Variants in STAT1 observed in about 807,000 individuals in gnomAD.
The protein encoded by STAT1 is signal transducer and activator of transcription 1, also known as signal transducer and activator of transcription 1-alpha/beta.
STAT1 carries 24 observed loss-of-function variants against 111.7 expected under a neutral mutation model. That is an observed-to-expected ratio of 0.21 (90% CI 0.16 to 0.30). STAT1 has a LOEUF of 0.30. Among genes scored for constraint, STAT1 ranks in the 10% least tolerant of loss-of-function variants. The pLI, the probability that STAT1 is intolerant of heterozygous loss-of-function variation, is 1.00. For missense variants in STAT1, 351 were observed against 911.9 expected, an observed-to-expected ratio of 0.38 and a Z score of 7.92; for synonymous variants, 332 against 326.5, an observed-to-expected ratio of 1.02 and a Z score of -0.18.
In STAT1 at chr2:191,007,538, T is replaced by C. The variant is rs779831605; in HGVS notation, c.372+25A>G. On this transcript the variant is annotated intron_variant, in intron 5 of 24. Coordinates refer to ENST00000361099, the MANE Select transcript of STAT1 (RefSeq NM_007315.4). This position sits in a 1 kb window ranked among gnomAD's most constrained non-coding sequence, Gnocchi z 4.2. ...AATACATTTTTATTTTATTACAGTTTATGTGTTCAATGAGAAAAAAGTACC... is the reference window on the plus strand; with the variant it reads ...AATACATTTTTATTTTATTACAGTTCATGTGTTCAATGAGAAAAAAGTACC... 6.6e-7 allele frequency: 1 copy of C among 1,511,250 alleles called. No homozygotes were observed. The highest frequency in any genetic ancestry group is 2.3e-5 in the East Asian group (1 of 44,272). The allele number at this position is 1,511,250 out of a possible 1,614,324, so 93.6% of individuals were successfully genotyped here.
At position 190,998,251 on chromosome 2, in the gene STAT1, T is replaced by C; in HGVS notation, c.599A>G (p.Lys200Arg). The change falls in exon 8 of 25, where the codon AAG becomes AGG. Residue 200 changes from lysine to arginine, a missense_variant. Lys to Arg is a conservative substitution (Grantham distance 26, BLOSUM62 2). This residue lies in a region of STAT1 where 67 missense variants were observed against 158.9 expected (regional missense o/e 0.42). Transcript: ENST00000361099. This position sits in a 1 kb window ranked among gnomAD's most constrained non-coding sequence, Gnocchi z 4.1. ...ATTGTCAAGCATTAAATACATCTTCTTGAGTAACAGCTGTTCTTGTTTCTG... is the reference window on the plus strand; with the variant it reads ...ATTGTCAAGCATTAAATACATCTTCCTGAGTAACAGCTGTTCTTGTTTCTG... ...SDQKQEQLLL[K>R]KMYLMLDNKR... The C allele has an allele frequency of 6.2e-7, 1 of 1,613,914 alleles. No homozygotes were observed. The highest frequency in any genetic ancestry group is 2.2e-5 in the East Asian group (1 of 44,852).
At chr2:190,972,303 T>G (rs1453110556) in intron 24 of STAT1, among the ~76,000 whole-genome samples, 2 of 152,270 alleles carry the variant, frequency 1.3e-5, no homozygotes, top group African/African-American at 4.8e-5. Flanking sequence ...ATTATGAGCT[T>G]TGGCTAAAGG....
chr2:190,976,975 C>T lies in STAT1; in HGVS notation c.1924G>A (p.Val642Ile), dbSNP rs1167191557. 1 of 1,614,082 alleles carries T rather than the reference C, an allele frequency of 6.2e-7. No homozygotes were observed. The highest frequency in any genetic ancestry group is 1.1e-5 in the South Asian group (1 of 91,080). ...TTGCGAATGATGTCAGGGAAAGTAA[C>T]AGCAGAAAGTTCTTTCTTCGTGTAG... ...EPYTKKELSA[V>I]TFPDIIRNYK... The change falls in exon 22 of 25, where the codon GTT (valine) becomes ATT (isoleucine). Residue 642 changes from valine (V) to isoleucine (I), a missense_variant. Physicochemically the swap from Val to Ile is conservative, Grantham distance 29. Transcript: ENST00000361099. The surrounding 1 kb of genome is among the most constrained non-coding windows in gnomAD (Gnocchi z 6.0).
Position 190,991,208 on chromosome 2 carries a change from T to C in STAT1, c.1037+20A>G, listed in dbSNP as rs1483461447. ...ACTACGTGACAGGTGATGTATGGGA[T>C]GCCATCTTTCCCTTGTTACCTCAAC... On this transcript the variant is annotated intron_variant, in intron 11 of 24. Transcript: ENST00000361099. 1 of 1,610,982 alleles carries C rather than the reference T, an allele frequency of 6.2e-7. No individual in the cohort carries two copies. Among genetic ancestry groups the C allele is most frequent in the Non-Finnish European group, 8.5e-7 (1 of 1,177,294 alleles).
intron 4 of STAT1, 70 bp downstream of exon 4, chr2:191,008,893 G>A: frequency 1.3e-6 from 2 of 1,537,426 alleles, no homozygotes; most frequent in Non-Finnish European, 1.8e-6. Context: ...AATTGTATTT[G>A]CTGAATGAAG....
intron 12 of STAT1, among the ~76,000 whole-genome samples, chr2:190,988,233 A>G (rs114774681): frequency 2.0e-5 from 3 of 152,330 alleles, no homozygotes; most frequent in African/African-American, 4.8e-5. Flanking sequence ...GTGCATGAAG[A>G]AGGACCTGGT....
rs1279068063 is a variant in STAT1 at position 190,986,768 on chromosome 2, C to T, written c.1221+86G>A. 3.0e-6 allele frequency: 4 copies of T among 1,313,266 alleles called. No individual in the cohort carries two copies. In the African/African-American group the frequency reaches 5.8e-5, roughly 19 times the overall value. The allele number at this position is 1,313,266 out of a possible 1,614,324, so 81.4% of individuals were successfully genotyped here. ...AACCCCAGCAGGGGGGCGTCCTCCA[C>T]ATGGCAATGTGCCAAAAAGGGCTGC... On this transcript the variant is annotated intron_variant, in intron 14 of 24. Transcript: ENST00000361099. The surrounding 1 kb of genome is among the most constrained non-coding windows in gnomAD (Gnocchi z 5.0).
chr2:191,002,084 T>G (rs1694314956), intron 5 of STAT1, among the ~76,000 whole-genome samples: 1 of 152,202 alleles, frequency 6.6e-6, no homozygotes, highest in African/African-American at 2.4e-5. Context: ...TAGAAAGCCT[T>G]TCCCTATTGA....
intron 2 of STAT1, among the ~76,000 whole-genome samples, chr2:191,011,958 T>G (rs1179826117): frequency 6.6e-6 from 1 of 151,928 alleles, no homozygotes; most frequent in Non-Finnish European, 1.5e-5. Context: ...GTTATGTTTC[T>G]GAGGCTGGTC....
chr2:191,013,603 T>C lies in STAT1; in HGVS notation c.-80A>G. On this transcript the variant is annotated 5_prime_UTR_variant, in exon 2 of 25. Transcript: ENST00000361099. ...CGCACAGCACGTTAGGTGCCAAGAC[T>C]GTCGAGGTTATATACACAGAGTGCG... is the stretch of plus-strand genomic sequence containing the variant. The C allele has an allele frequency of 2.5e-6, 1 of 398,618 alleles. No individual in the cohort carries two copies. The highest frequency in any genetic ancestry group is 4.4e-5 in the Admixed American group (1 of 22,742). The allele number at this position is 398,618 out of a possible 1,614,324, so 24.7% of individuals were successfully genotyped here.
At chr2:190,985,815 G>T (rs1393799517) in intron 14 of STAT1, among the ~76,000 whole-genome samples, 155 bp from the exon 15 acceptor site, 1 of 152,178 alleles carries the variant, frequency 6.6e-6, no homozygotes, top group East Asian at 1.9e-4. Flanking sequence ...CCTCGTTCAG[G>T]GTCCATGAGC....
At position 190,995,421 on chromosome 2, in the gene STAT1, A is replaced by T. The variant is rs1693773423; in HGVS notation, c.786-202T>A. Among the ~76,000 whole-genome samples the T allele has an allele frequency of 6.6e-6, 1 of 152,212 alleles. No homozygotes were observed. Among genetic ancestry groups the T allele is most frequent in the South Asian group, 2.1e-4 (1 of 4,826 alleles). Reference sequence around the variant, plus strand: ...GCCCCACAATCATGGCAGAAGGCAAATGAGGAGCAAAGTCACATCTTACAT... The same window carrying T: ...GCCCCACAATCATGGCAGAAGGCAATTGAGGAGCAAAGTCACATCTTACAT... On this transcript the variant is annotated intron_variant, in intron 9 of 24. Coordinates refer to ENST00000361099, the MANE Select transcript of STAT1 (RefSeq NM_007315.4). This position sits in a 1 kb window ranked among gnomAD's most constrained non-coding sequence, Gnocchi z 4.2.
intron 10 of STAT1, among the ~76,000 whole-genome samples, chr2:190,994,104 G>A (rs34997637): frequency 0.21 from 31,995 of 152,124 alleles, 3,860 homozygotes; most frequent in East Asian, 0.48. Context: ...TGAAGCTTTC[G>A]GGATGATACA....
At position 190,996,227 on chromosome 2, in the gene STAT1, C is replaced by T. The variant is rs980771638; in HGVS notation, c.786-1008G>A. ...TTCCTTCCTTGCAGTCAACTGCTAA[C>T]AGCAACACAGGCTGGGGAAACGCTG... On this transcript the variant is annotated intron_variant, in intron 9 of 24. Transcript: ENST00000361099. This position sits in a 1 kb window ranked among gnomAD's most constrained non-coding sequence, Gnocchi z 4.5. Among the ~76,000 whole-genome samples, 2 of 152,232 alleles carry T rather than the reference C, an allele frequency of 1.3e-5. No homozygotes were observed. The highest frequency in any genetic ancestry group is 4.8e-5 in the African/African-American group (2 of 41,450).
At chr2:191,002,191 A>G (rs1694323220) in intron 5 of STAT1, among the ~76,000 whole-genome samples, 1 of 152,200 alleles carries the variant, frequency 6.6e-6, no homozygotes, top group Non-Finnish European at 1.5e-5. Flanking sequence ...TCTCATGATC[A>G]GAGTGAAGTA....
At chr2:190,991,599 C>T (rs1693341827) in intron 10 of STAT1, among the ~76,000 whole-genome samples, 1 of 152,128 alleles carries the variant, frequency 6.6e-6, no homozygotes, top group Non-Finnish European at 1.5e-5. Flanking sequence ...TGGCCCATGT[C>T]TGTAATCCCA....
chr2:190,994,927 AATATATATAT>A lies in STAT1; in HGVS notation c.944+124_944+133del, dbSNP rs1159903683. ...GAGACTCTATCTCAAAAAAAAAAAA[AATATATATAT>A]ATATATATATATATATATATAAAAA... On this transcript the variant is annotated intron_variant, in intron 10 of 24. Transcript: ENST00000361099. 147 of 135,096 alleles carry A rather than the reference AATATATATAT, an allele frequency of 1.1e-3. 2 individuals are homozygous for A. The highest frequency in any genetic ancestry group is 3.9e-3 in the South Asian group (24 of 6,156). The allele number at this position is 135,096 out of a possible 1,614,324, so 8.4% of individuals were successfully genotyped here.
rs1286254077 is a variant in STAT1, at chr2:190,970,274, C to T, written c.*429G>A. 1 of 235,714 alleles carries T rather than the reference C, an allele frequency of 4.2e-6. No individual in the cohort carries two copies. Among genetic ancestry groups the T allele is most frequent in the African/African-American group, 2.3e-5 (1 of 43,964 alleles). The allele number at this position is 235,714 out of a possible 1,614,324, so 14.6% of individuals were successfully genotyped here. A position where few individuals can be genotyped will look rare whatever the true frequency, so the allele number is the denominator to read the frequency against. On this transcript the variant is annotated 3_prime_UTR_variant, in exon 25 of 25. Transcript: ENST00000361099. This position sits in a 1 kb window ranked among gnomAD's most constrained non-coding sequence, Gnocchi z 5.4. ...AGCAAAGAAAACATGTAAGAATTCT[C>T]CCACAGAAATTTACCGTTCCTACGT...
At chr2:190,991,976 C>T (rs960174882) in intron 10 of STAT1, among the ~76,000 whole-genome samples, 11 of 152,190 alleles carry the variant, frequency 7.2e-5, no homozygotes. Flanking sequence ...AAAAACCCAA[C>T]ATACAGGACT....
Sources: gnomAD v4.1 joint callset for allele counts (sites outside exome capture counted in the v4.1 genomes callset) on GRCh38, gnomAD v4.1.1 for gene constraint, gnomAD v4.1.1 regional missense constraint, Gnocchi (gnomAD v3.1) non-coding constraint, MANE v1.5 for transcripts, NCBI Gene and HGNC (gene_info 2026-07-23, HGNC 2026-07-21) for gene names.